The following MTRF1 variants were observed in gnomAD, a reference collection of about 807,000 sequenced individuals.
MTRF1 encodes peptide chain release factor 1, mitochondrial.
In MTRF1, 51 loss-of-function variants were observed where a neutral mutation model predicts 62.9. The observed-to-expected ratio is 0.81, with a 90% CI of 0.65 to 1.02. The LOEUF (loss-of-function observed/expected upper bound fraction) is 1.02. MTRF1 is among the 50% of genes least tolerant of loss of function. The pLI is 0.00. For synonymous variants in MTRF1, 158 were observed against 181.9 expected (o/e 0.87, Z 1.06); for missense variants, 446 against 530.0 (o/e 0.84, Z 1.56).
At chr13:41,234,925 T>C (rs2036218961) in intron 6 of MTRF1, among the ~76,000 whole-genome samples, 1 of 152,160 alleles carries the variant, frequency 6.6e-6, no homozygotes, top group African/African-American at 2.4e-5. Context: ...ATCTGAACTC[T>C]AGCACCTTTT....
the MTRF1 span, among the ~76,000 whole-genome samples, chr13:41,295,589 G>A: frequency 0.015 from 2,207 of 151,726 alleles, 84 homozygotes; most frequent in East Asian, 0.14. Context: ...ACATTTTATC[G>A]AGATAATCCT....
chr13:41,289,736 C>G, the MTRF1 span, among the ~76,000 whole-genome samples: 1 of 152,284 alleles, frequency 6.6e-6, no homozygotes, highest in East Asian at 1.9e-4. Context: ...CTCAGCAAAT[C>G]AAAGAGATCC....
rs868044884 is a variant in MTRF1 at position 41,260,798 on chromosome 13, G to A, written c.110C>T (p.Thr37Ile). The part of the protein sequence containing the change: ...SHQFRQIHLD[T>I]RLQVFRQNRN... Reference sequence around the variant, plus strand: ...GTTTTGTCTAAAAACTTGCAGCCTTGTATCAAGATGTATCTGTCTAAATTG... The same window carrying A: ...GTTTTGTCTAAAAACTTGCAGCCTTATATCAAGATGTATCTGTCTAAATTG... The change falls in exon 2 of 10, where the codon ACA becomes ATA. Residue 37 changes from threonine (T) to isoleucine (I), a missense_variant. Transcript: ENST00000379480. 1 of 1,614,136 alleles carries A rather than the reference G, an allele frequency of 6.2e-7. No individual in the cohort carries two copies. Among genetic ancestry groups the A allele is most frequent in the Middle Eastern group, 1.7e-4 (1 of 6,060 alleles).
the MTRF1 span, among the ~76,000 whole-genome samples, chr13:41,269,918 T>G: frequency 1.5e-4 from 23 of 152,352 alleles, no homozygotes; most frequent in Admixed American, 1.3e-3. Context: ...GAACTTAGTT[T>G]ATAGTTTAGC....
chr13:41,235,251 C>T (rs1047977057), intron 6 of MTRF1: 1 of 152,162 alleles, frequency 6.6e-6, no homozygotes, highest in Non-Finnish European at 1.5e-5. Context: ...CCACCACGCT[C>T]AGCTGGATTT....
chr13:41,296,967 T>C, the MTRF1 span, among the ~76,000 whole-genome samples: 2 of 152,204 alleles, frequency 1.3e-5, no homozygotes, highest in African/African-American at 2.4e-5. Context: ...TAAACACATT[T>C]GCAATCAGCT....
chr13:41,311,901 C>T, the MTRF1 span, among the ~76,000 whole-genome samples: 9 of 152,386 alleles, frequency 5.9e-5, no homozygotes, highest in Admixed American at 1.3e-4. Context: ...GCCGTGCTCT[C>T]TGCCGCGCCG....
the MTRF1 span, among the ~76,000 whole-genome samples, chr13:41,269,847 G>T: frequency 6.6e-6 from 1 of 152,166 alleles, no homozygotes; most frequent in African/African-American, 2.4e-5. Context: ...ACTCCATCTT[G>T]CTTCTAACCT....
At chr13:41,237,903 TA>T (rs2036926858) in intron 6 of MTRF1, among the ~76,000 whole-genome samples, 1 of 152,146 alleles carries the variant, frequency 6.6e-6, no homozygotes, top group South Asian at 2.1e-4. Flanking sequence ...GAAACTATTT[TA>T]TATATAGTAT....
upstream of MTRF1, among the ~76,000 whole-genome samples, chr13:41,264,553 T>A (rs541090447): frequency 6.6e-6 from 1 of 152,346 alleles, no homozygotes; most frequent in South Asian, 2.1e-4. Context: ...TAGATTATAA[T>A]CACATACATA....
At chr13:41,218,590 C>A (rs1490722015) in intron 9 of MTRF1, among the ~76,000 whole-genome samples, 1 of 152,168 alleles carries the variant, frequency 6.6e-6, no homozygotes, top group Admixed American at 6.5e-5. Flanking sequence ...AAATTAATGA[C>A]TTCAAGAACT....
At chr13:41,284,666 C>T in the MTRF1 span, among the ~76,000 whole-genome samples, 2 of 152,136 alleles carry the variant, frequency 1.3e-5, no homozygotes, top group Non-Finnish European at 2.9e-5. Flanking sequence ...CTCCCTCTAT[C>T]ACCAGGCTGG....
chr13:41,285,071 G>A, the MTRF1 span, among the ~76,000 whole-genome samples: 4 of 152,232 alleles, frequency 2.6e-5, no homozygotes, highest in African/African-American at 4.8e-5. Flanking sequence ...ACTGATTAAC[G>A]TATGATCTAC....
chr13:41,306,264 G>A, the MTRF1 span, among the ~76,000 whole-genome samples: 3 of 151,986 alleles, frequency 2.0e-5, no homozygotes, highest in Admixed American at 1.3e-4. Flanking sequence ...GGCGCCTGTA[G>A]TCCCAGCTAC....
At chr13:41,278,607 T>C in the MTRF1 span, among the ~76,000 whole-genome samples, 81 of 152,278 alleles carry the variant, frequency 5.3e-4, no homozygotes, top group East Asian at 1.9e-3. Flanking sequence ...TCCACTAATA[T>C]CCAAACTTTT....
At chr13:41,271,086 CACACA>C in the MTRF1 span, among the ~76,000 whole-genome samples, 54 of 149,676 alleles carry the variant, frequency 3.6e-4, no homozygotes, top group Admixed American at 9.2e-4. Context: ...CACACACACA[CACACA>C]CCCCATATAG....
At chr13:41,245,286 T>G (rs956675090) in intron 5 of MTRF1, among the ~76,000 whole-genome samples, 1 of 151,810 alleles carries the variant, frequency 6.6e-6, no homozygotes, top group African/African-American at 2.4e-5. Context: ...CTCTGTCCTC[T>G]AGGCTGGAGT....
At position 41,224,344 on chromosome 13, in the gene MTRF1, C is replaced by G. The variant is rs187049404; in HGVS notation, c.1126-990G>C. Among the ~76,000 whole-genome samples, 11 of 152,288 alleles carry G rather than the reference C, an allele frequency of 7.2e-5. No homozygotes were observed. In the East Asian group the frequency reaches 2.1e-3, roughly 29 times the overall value. On this transcript the variant is annotated intron_variant, in intron 8 of 9. Transcript: ENST00000379480. Reference sequence around the variant, plus strand: ...TAGTCTGCTCATCTCCTCCACCTCCCCAACACCCGATATACACAGCACCCT... The same window carrying G: ...TAGTCTGCTCATCTCCTCCACCTCCGCAACACCCGATATACACAGCACCCT...
chr13:41,289,176 C>T, the MTRF1 span, among the ~76,000 whole-genome samples: 3 of 151,602 alleles, frequency 2.0e-5, no homozygotes, highest in Non-Finnish European at 2.9e-5. Context: ...TCTTATTCTA[C>T]GCAACAACAA....
Sources: allele counts gnomAD v4.1 joint callset (sites outside exome capture counted in the v4.1 genomes callset), GRCh38; gene constraint gnomAD v4.1.1; transcripts MANE v1.5; gene names NCBI Gene and HGNC (gene_info 2026-07-23, HGNC 2026-07-21).